Variants in TTC7B observed in about 807,000 individuals in gnomAD.
TTC7B encodes the protein tetratricopeptide repeat protein 7B.
A neutral mutation model predicts 106.8 loss-of-function variants in TTC7B; 28 were observed. The observed-to-expected ratio is 0.26, with a 90% CI of 0.19 to 0.36. The LOEUF is 0.36. TTC7B is among the 10% of genes least tolerant of loss of function. The pLI is 1.00. For missense variants in TTC7B, 862 were observed against 1,076.4 expected, an observed-to-expected ratio of 0.80 and a Z score of 2.79; for synonymous variants, 405 against 430.6, an observed-to-expected ratio of 0.94 and a Z score of 0.74.
At chr14:90,717,296 A>G (rs1742085) in intron 5 of TTC7B, among the ~76,000 whole-genome samples, 71,894 of 150,288 alleles carry the variant, frequency 0.48, 17,702 homozygotes, top group African/African-American at 0.53. Context: ...CTGAGATCGC[A>G]CCCCTGCACC....
chr14:90,575,610 C>T lies in TTC7B; in HGVS notation c.2310+2496G>A, dbSNP rs1666215209. On this transcript the variant is annotated intron_variant, in intron 19 of 19. Transcript: ENST00000328459. The surrounding 1 kb of genome is among the most constrained non-coding windows in gnomAD (Gnocchi z 5.2). ...TGGGAGGGGGGCCTGCCCTTGGCTG[C>T]ATGGGGCTCCCCCTGGCTGTGGGCT... is the stretch of plus-strand genomic sequence containing the variant. 6.6e-6 allele frequency among the ~76,000 whole-genome samples: 1 copy of T among 152,188 alleles called. No homozygotes were observed. The highest frequency in any genetic ancestry group is 6.5e-5 in the Admixed American group (1 of 15,290).
intron 3 of TTC7B, among the ~76,000 whole-genome samples, chr14:90,770,834 C>G (rs1890840445): frequency 6.6e-6 from 1 of 152,176 alleles, no homozygotes; most frequent in Non-Finnish European, 1.5e-5. Flanking sequence ...AAACGTGGTA[C>G]ATGCACACAA....
intron 1 of TTC7B, among the ~76,000 whole-genome samples, chr14:90,793,927 C>T (rs924345691): frequency 1.4e-5 from 2 of 147,624 alleles, no homozygotes; most frequent in African/African-American, 5.0e-5. Context: ...TTCTTCGAAA[C>T]AGTCTCATTC....
chr14:90,740,494 C>CTTTT lies in TTC7B; in HGVS notation c.576+4294_576+4297dup, dbSNP rs71461924. ...TAAACATTCCCCTGAAATTCTTTGA[C>CTTTT]TTTTTTTTTTTTTTTTTTTTTTTTT... On this transcript the variant is annotated intron_variant, in intron 4 of 19. Coordinates refer to ENST00000328459, the MANE Select transcript of TTC7B (RefSeq NM_001010854.2). 1.6e-3 allele frequency among the ~76,000 whole-genome samples: 125 copies of CTTTT among 78,342 alleles called. 1 individual carries two copies. Among genetic ancestry groups the CTTTT allele is most frequent in the Non-Finnish European group, 2.0e-3 (89 of 44,034 alleles). The allele number at this position is 78,342 out of a possible 152,430, so 51.4% of individuals were successfully genotyped here. A position where few individuals can be genotyped will look rare whatever the true frequency, so the allele number is the denominator to read the frequency against.
intron 3 of TTC7B, among the ~76,000 whole-genome samples, chr14:90,758,898 G>T (rs750801496): frequency 6.6e-6 from 1 of 152,224 alleles, no homozygotes; most frequent in Non-Finnish European, 1.5e-5. Context: ...AGGATAAAGG[G>T]AGGTAAGGGA....
At chr14:90,694,224 C>T (rs1381521312) in intron 6 of TTC7B, among the ~76,000 whole-genome samples, 2 of 152,044 alleles carry the variant, frequency 1.3e-5, no homozygotes, top group Admixed American at 6.5e-5. Context: ...GGCAACAGAG[C>T]GAGACTCTAT....
intron 1 of TTC7B, 139 bp from the exon 2 acceptor site, chr14:90,786,467 A>G (rs1891393386): frequency 9.9e-6 from 9 of 912,888 alleles, no homozygotes; most frequent in Non-Finnish European, 1.3e-5. Context: ...CATAGCCTTC[A>G]TAGGGTCTAA....
At position 90,575,072 on chromosome 14, in the gene TTC7B, CA is replaced by C. The variant is rs796400173; in HGVS notation, c.2310+3033del. Among the ~76,000 whole-genome samples the C allele has an allele frequency of 2.6e-5, 4 of 152,330 alleles. No homozygotes were observed. The South Asian group carries it at 8.3e-4, about 32-fold the overall frequency. ...CAGCTCTGTTTCCGCCACTCTCCGC[CA>C]CACAGGTCGGGGCCCTGCCTCCTCC... On this transcript the variant is annotated intron_variant, in intron 19 of 19. Transcript: ENST00000328459. This position sits in a 1 kb window ranked among gnomAD's most constrained non-coding sequence, Gnocchi z 5.2.
At chr14:90,603,210 C>T (rs1375424911) in intron 17 of TTC7B, 1 of 1,223,634 alleles carries the variant, frequency 8.2e-7, no homozygotes, top group Non-Finnish European at 1.1e-6. Flanking sequence ...GAGTGTGATT[C>T]TGGAGGCCCT....
chr14:90,751,623 T>C (rs1038460230), intron 3 of TTC7B, among the ~76,000 whole-genome samples: 3 of 152,112 alleles, frequency 2.0e-5, no homozygotes, highest in East Asian at 1.9e-4. Flanking sequence ...AGAGACAGTG[T>C]CTCACTGTGT....
At chr14:90,596,927 C>T (rs557716464) in intron 17 of TTC7B, among the ~76,000 whole-genome samples, 14 of 152,250 alleles carry the variant, frequency 9.2e-5, no homozygotes, top group Admixed American at 7.8e-4. Flanking sequence ...TCTACTCTTC[C>T]CCTCTAACAA....
At chr14:90,793,855 G>A (rs1278436700) in intron 1 of TTC7B, among the ~76,000 whole-genome samples, 18 of 150,618 alleles carry the variant, frequency 1.2e-4, no homozygotes, top group African/African-American at 3.4e-4. Flanking sequence ...TGATCCGCCC[G>A]CCTCGGCCTC....
intron 16 of TTC7B, among the ~76,000 whole-genome samples, chr14:90,612,750 C>A (rs1892925300): frequency 6.6e-6 from 1 of 152,230 alleles, no homozygotes; most frequent in Non-Finnish European, 1.5e-5. Context: ...AGACTTACAA[C>A]TTCTAGGTAC....
intron 8 of TTC7B, chr14:90,677,872 G>T: frequency 2.2e-6 from 1 of 450,870 alleles, no homozygotes; most frequent in Non-Finnish European, 4.4e-6. Context: ...GAATATATAA[G>T]ACAGGCCACT....
chr14:90,655,152 A>C, intron 11 of TTC7B, 42 bp from the exon 12 acceptor site: 1 of 1,460,360 alleles, frequency 6.8e-7, no homozygotes. Context: ...AACCTGCAGA[A>C]TTTCTAACAT....
At chr14:90,630,919 C>T (rs1218952287) in intron 15 of TTC7B, among the ~76,000 whole-genome samples, 1 of 150,222 alleles carries the variant, frequency 6.7e-6, no homozygotes, top group African/African-American at 2.4e-5. Flanking sequence ...ACTGCAAGCT[C>T]TGCCTCCTGG....
At chr14:90,718,940 AATTCCT>A in intron 5 of TTC7B, among the ~76,000 whole-genome samples, 1 of 151,812 alleles carries the variant, frequency 6.6e-6, no homozygotes, top group Admixed American at 6.6e-5. Context: ...CAAAGGGTTA[AATTCCT>A]TCCCTCTTCT....
At chr14:90,814,236 G>A (rs1293204927) in intron 1 of TTC7B, among the ~76,000 whole-genome samples, 6 of 152,188 alleles carry the variant, frequency 3.9e-5, no homozygotes, top group South Asian at 4.2e-4. Context: ...TAAGCCTTTC[G>A]GGGGCCATGA....
intron 6 of TTC7B, among the ~76,000 whole-genome samples, chr14:90,691,772 A>T (rs1007915013): frequency 6.6e-6 from 1 of 152,246 alleles, no homozygotes; most frequent in African/African-American, 2.4e-5. Flanking sequence ...CATTCAGGAC[A>T]CTCACAATGT....
Sources: gnomAD v4.1 joint callset for allele counts (sites outside exome capture counted in the v4.1 genomes callset) on GRCh38, gnomAD v4.1.1 for gene constraint, Gnocchi (gnomAD v3.1) non-coding constraint, MANE v1.5 for transcripts, NCBI Gene and HGNC (gene_info 2026-07-23, HGNC 2026-07-21) for gene names.